The following BMP5 variants were observed in gnomAD, a reference collection of about 807,000 sequenced individuals.
BMP5 encodes bone morphogenetic protein 5.
A neutral mutation model predicts 46.6 loss-of-function variants in BMP5; 23 were observed. That is an observed-to-expected ratio of 0.49 (90% CI 0.35 to 0.70). The LOEUF (loss-of-function observed/expected upper bound fraction) is 0.70, where lower values mean the gene tolerates loss of function less well. Ranked by LOEUF, BMP5 falls within the 30% of genes least tolerant of loss-of-function variation. The pLI, the probability that BMP5 is intolerant of heterozygous loss-of-function variation, is 0.00. For missense variants in BMP5, 545 were observed against 565.6 expected, an observed-to-expected ratio of 0.96 and a Z score of 0.37; for synonymous variants, 204 against 191.9, an observed-to-expected ratio of 1.06 and a Z score of -0.52.
intron 1 of BMP5, among the ~76,000 whole-genome samples, chr6:55,829,042 T>C (rs1159080603): frequency 6.6e-6 from 1 of 151,874 alleles, no homozygotes; most frequent in Non-Finnish European, 1.5e-5. Context: ...AGAGACACAT[T>C]AGTTTTACAG....
intron 1 of BMP5, among the ~76,000 whole-genome samples, chr6:55,866,769 A>G (rs1422066169): frequency 6.6e-6 from 1 of 152,086 alleles, no homozygotes; most frequent in African/African-American, 2.4e-5. Context: ...TGGTTTTAAT[A>G]TATCACCTGA....
chr6:55,852,796 G>T (rs1777277471), intron 1 of BMP5, among the ~76,000 whole-genome samples: 1 of 152,016 alleles, frequency 6.6e-6, no homozygotes, highest in African/African-American at 2.4e-5. Flanking sequence ...TGTTTATTTT[G>T]CCTTAATTTG....
At chr6:55,771,780 C>T (rs1775052431) in intron 4 of BMP5, among the ~76,000 whole-genome samples, 1 of 151,824 alleles carries the variant, frequency 6.6e-6, no homozygotes, top group African/African-American at 2.4e-5. Context: ...ATACAACTTT[C>T]CTCCCTAACT....
intron 4 of BMP5, among the ~76,000 whole-genome samples, chr6:55,760,843 A>G (rs554312327): frequency 6.6e-6 from 1 of 152,124 alleles, no homozygotes; most frequent in South Asian, 2.1e-4. Flanking sequence ...CATCTGCTCA[A>G]TGAATACTTA....
chr6:55,798,787 G>A (rs1024144471), intron 2 of BMP5, among the ~76,000 whole-genome samples: 5 of 152,144 alleles, frequency 3.3e-5, no homozygotes, highest in African/African-American at 1.2e-4. Flanking sequence ...AACATGTCTA[G>A]TTATACATGG....
At chr6:55,856,041 C>A (rs184451210) in intron 1 of BMP5, among the ~76,000 whole-genome samples, 54 of 151,716 alleles carry the variant, frequency 3.6e-4, no homozygotes, top group Non-Finnish European at 5.6e-4. Context: ...CTTTTGTAGT[C>A]AGTCTTTCAC....
chr6:55,760,602 C>T, intron 4 of BMP5, 69 bp from the exon 5 acceptor site: 1 of 1,370,678 alleles, frequency 7.3e-7, no homozygotes, highest in Admixed American at 1.8e-5. Flanking sequence ...TTTGTGAGAT[C>T]ACTGGTAAGA....
chr6:55,838,433 T>C (rs1776875453), intron 1 of BMP5, among the ~76,000 whole-genome samples: 1 of 152,244 alleles, frequency 6.6e-6, no homozygotes, highest in Non-Finnish European at 1.5e-5. Flanking sequence ...TTGCCATTTG[T>C]ATGTCTTCTT....
At position 55,819,683 on chromosome 6, in the gene BMP5, A is replaced by G. The variant is rs750203828; in HGVS notation, c.655T>C (p.Tyr219His). The G allele has an allele frequency of 1.4e-5, 23 of 1,613,096 alleles. No individual in the cohort carries two copies. Among genetic ancestry groups the G allele is most frequent in the Admixed American group, 8.4e-5 (5 of 59,864 alleles). The change falls in exon 2 of 7, where the codon TAT (tyrosine) becomes CAT (histidine). Residue 219 changes from tyrosine (Y) to histidine (H), a missense_variant. Tyr to His is a moderately conservative substitution (Grantham distance 83, BLOSUM62 2). Coordinates refer to ENST00000370830, the MANE Select transcript of BMP5 (RefSeq NM_021073.4). ...TTTGTGTATTCCTTGATGATTTGAT[A>G]TATGCTAATCTTAATTGTTTCATTT... ...FENETIKISI[Y>H]QIIKEYTNRD...
At chr6:55,793,245 A>G (rs1210315116) in intron 3 of BMP5, among the ~76,000 whole-genome samples, 1 of 152,094 alleles carries the variant, frequency 6.6e-6, no homozygotes, top group Non-Finnish European at 1.5e-5. Context: ...ACAGTCTGCA[A>G]ATTCTGTTCC....
chr6:55,859,525 A>G (rs1462607790), intron 1 of BMP5, among the ~76,000 whole-genome samples: 1 of 152,230 alleles, frequency 6.6e-6, no homozygotes, highest in Non-Finnish European at 1.5e-5. Flanking sequence ...AGAAAACTCA[A>G]AAACTTAAAA....
rs544049166 is a variant in BMP5, at chr6:55,792,377, C to CA, written c.832+1901dup. Among the ~76,000 whole-genome samples the CA allele has an allele frequency of 3.6e-3, 548 of 151,812 alleles. 5 individuals carry two copies. Among genetic ancestry groups the CA allele is most frequent in the African/African-American group, 0.012 (514 of 41,456 alleles). Reference sequence around the variant, plus strand: ...TGAAACCCCGTCTCTACTAAAAATACAAAAAAATTAGCCGGGCATGGTGGC... The same window carrying CA: ...TGAAACCCCGTCTCTACTAAAAATACAAAAAAAATTAGCCGGGCATGGTGGC... On this transcript the variant is annotated intron_variant, in intron 3 of 6. Coordinates refer to ENST00000370830, the MANE Select transcript of BMP5 (RefSeq NM_021073.4).
At chr6:55,844,075 T>C (rs560111475) in intron 1 of BMP5, among the ~76,000 whole-genome samples, 1 of 151,938 alleles carries the variant, frequency 6.6e-6, no homozygotes, top group African/African-American at 2.4e-5. Flanking sequence ...TTGTTTTCAG[T>C]TTAATAAACT....
chr6:55,794,560 G>T, intron 2 of BMP5, 133 bp from the exon 3 acceptor site: 2 of 848,418 alleles, frequency 2.4e-6, no homozygotes, highest in Non-Finnish European at 1.9e-6. Flanking sequence ...AGGAACAAGT[G>T]ACTCAAGTGA....
chr6:55,865,208 T>C (rs1363907234), intron 1 of BMP5, among the ~76,000 whole-genome samples: 1 of 152,046 alleles, frequency 6.6e-6, no homozygotes, highest in Non-Finnish European at 1.5e-5. Context: ...AAAATAAGCA[T>C]TAAAAACTTT....
intron 2 of BMP5, among the ~76,000 whole-genome samples, chr6:55,816,546 A>G (rs182924759): frequency 4.4e-4 from 67 of 152,294 alleles, no homozygotes; most frequent in Admixed American, 4.1e-3. Flanking sequence ...AAATGGAACC[A>G]TTAGATTGAG....
intron 2 of BMP5, among the ~76,000 whole-genome samples, chr6:55,797,064 C>T (rs977028835): frequency 3.3e-5 from 5 of 152,056 alleles, no homozygotes; most frequent in African/African-American, 1.2e-4. Flanking sequence ...TCTGCATTAC[C>T]TATAGACAAC....
At chr6:55,842,408 G>A (rs564569727) in intron 1 of BMP5, among the ~76,000 whole-genome samples, 1 of 152,248 alleles carries the variant, frequency 6.6e-6, no homozygotes, top group Admixed American at 6.5e-5. Context: ...CACCTCTGTA[G>A]CAGCTACTCT....
chr6:55,778,588 G>A (rs560828640), intron 3 of BMP5, among the ~76,000 whole-genome samples: 12 of 151,976 alleles, frequency 7.9e-5, no homozygotes, highest in African/African-American at 2.7e-4. Flanking sequence ...ATATTTGCTC[G>A]TGAAAAGTTT....
Sources: gnomAD v4.1 joint callset for allele counts (sites outside exome capture counted in the v4.1 genomes callset) on GRCh38, gnomAD v4.1.1 for gene constraint, MANE v1.5 for transcripts, NCBI Gene and HGNC (gene_info 2026-07-23, HGNC 2026-07-21) for gene names.